Variants in RABGAP1L observed in about 807,000 individuals in gnomAD.
The protein encoded by RABGAP1L is RAB GTPase activating protein 1 like, also known as rab GTPase-activating protein 1-like.
Under a neutral mutation model 137.7 loss-of-function variants are expected in RABGAP1L, and 63 were observed. The observed-to-expected ratio is 0.46, with a 90% CI of 0.37 to 0.56. The LOEUF (loss-of-function observed/expected upper bound fraction) is 0.56. Ranked by LOEUF, RABGAP1L falls within the 20% of genes least tolerant of loss-of-function variation. RABGAP1L has a pLI of 0.00. For synonymous variants in RABGAP1L, 431 were observed against 433.7 expected (o/e 0.99, Z 0.08); for missense variants, 1,095 against 1,244.0 (o/e 0.88, Z 1.80).
intron 19 of RABGAP1L, among the ~76,000 whole-genome samples, chr1:174,907,788 A>AAC (rs1219367477): frequency 6.6e-6 from 1 of 152,222 alleles, no homozygotes; most frequent in Non-Finnish European, 1.5e-5. Context: ...CAAGACAGGC[A>AAC]ACAAGTGGCA....
intron 13 of RABGAP1L, among the ~76,000 whole-genome samples, chr1:174,489,047 T>C (rs1659955126): frequency 1.3e-5 from 2 of 151,642 alleles, no homozygotes; most frequent in South Asian, 4.2e-4. Flanking sequence ...AATAGTTTGC[T>C]CAGAATGATG....
intron 14 of RABGAP1L, among the ~76,000 whole-genome samples, chr1:174,654,902 C>G (rs1026567680): frequency 2.6e-5 from 4 of 151,800 alleles, no homozygotes; most frequent in Admixed American, 1.3e-4. Flanking sequence ...TGATACTCTC[C>G]TTTTTCCCCA....
rs191675073 is a variant in RABGAP1L, at chr1:174,441,634, T to C, written c.1710+47489T>C. On this transcript the variant is annotated intron_variant, in intron 13 of 25. Transcript: ENST00000681986. ...CTGTAATCCCAGCCACTTGGGAGGC[T>C]GAAGCAGGAGAATTGCTTGAACCTG... Among the ~76,000 whole-genome samples, 1,026 of 152,262 alleles carry C rather than the reference T, an allele frequency of 6.7e-3. 13 individuals are homozygous for C. Among genetic ancestry groups the C allele is most frequent in the African/African-American group, 0.023 (964 of 41,550 alleles).
In RABGAP1L at chr1:174,434,151, A is replaced by ACACACACACACACACC. The variant is rs1361968902; in HGVS notation, c.1710+40007_1710+40008insACACACACACACACCC. Reference sequence around the variant, plus strand: ...CACACACACACACACACACACACACACCCTGCCTGGGGCAACTAGGGTTCT... The same window carrying ACACACACACACACACC: ...CACACACACACACACACACACACACACACACACACACACACCCCCTGCCTGGGGCAACTAGGGTTCT... On this transcript the variant is annotated intron_variant, in intron 13 of 25. Coordinates refer to ENST00000681986, the MANE Select transcript of RABGAP1L (RefSeq NM_001366446.1). Among the ~76,000 whole-genome samples the ACACACACACACACACC allele has an allele frequency of 3.3e-3, 487 of 147,568 alleles. 2 individuals are homozygous for ACACACACACACACACC. The highest frequency in any genetic ancestry group is 5.1e-3 in the Admixed American group (75 of 14,818).
intron 18 of RABGAP1L, chr1:174,800,075 G>T: frequency 2.4e-6 from 3 of 1,262,728 alleles, no homozygotes; most frequent in South Asian, 2.1e-5. Flanking sequence ...CCATTTTCTC[G>T]CATTCGATTG....
intron 15 of RABGAP1L, among the ~76,000 whole-genome samples, chr1:174,697,470 A>G (rs539898804): frequency 1.3e-5 from 2 of 152,162 alleles, no homozygotes; most frequent in South Asian, 4.2e-4. Context: ...ACATGTACAC[A>G]CCAACATGCC....
At chr1:174,502,496 C>A (rs1661373406) in intron 13 of RABGAP1L, among the ~76,000 whole-genome samples, 1 of 146,926 alleles carries the variant, frequency 6.8e-6, no homozygotes, top group Admixed American at 6.9e-5. Context: ...TGAATGAAAA[C>A]CAAATAACAC....
At chr1:174,281,801 A>T (rs1375618443) in intron 10 of RABGAP1L, among the ~76,000 whole-genome samples, 1 of 152,178 alleles carries the variant, frequency 6.6e-6, no homozygotes, top group South Asian at 2.1e-4. Flanking sequence ...ACAAATTTAT[A>T]CACATGAATA....
chr1:174,811,038 G>A (rs1044550806), intron 18 of RABGAP1L, among the ~76,000 whole-genome samples: 5 of 152,078 alleles, frequency 3.3e-5, no homozygotes, highest in Admixed American at 6.6e-5. Flanking sequence ...GGAGGTTGAG[G>A]TTGCAGGGAG....
At chr1:174,162,328 GA>G (rs1664538149) in intron 1 of RABGAP1L, among the ~76,000 whole-genome samples, 1 of 152,018 alleles carries the variant, frequency 6.6e-6, no homozygotes, top group Non-Finnish European at 1.5e-5. Flanking sequence ...ATATTTATTT[GA>G]ACTCTCAGAT....
intron 19 of RABGAP1L, among the ~76,000 whole-genome samples, chr1:174,874,148 T>C (rs1438609112): frequency 6.6e-6 from 1 of 152,202 alleles, no homozygotes; most frequent in Non-Finnish European, 1.5e-5. Flanking sequence ...TTCATAAACA[T>C]TTTCTTAATA....
At chr1:174,676,667 G>A (rs534202303) in intron 14 of RABGAP1L, among the ~76,000 whole-genome samples, 4 of 152,258 alleles carry the variant, frequency 2.6e-5, no homozygotes, top group Non-Finnish European at 4.4e-5. Context: ...TTTGGTGACT[G>A]CTTCTACTGA....
intron 19 of RABGAP1L, among the ~76,000 whole-genome samples, chr1:174,816,466 A>G (rs1173771747): frequency 6.6e-6 from 1 of 151,954 alleles, no homozygotes; most frequent in Non-Finnish European, 1.5e-5. Context: ...TAGCTTTATT[A>G]AGTGCATATA....
At chr1:174,926,461 A>G (rs1240836912) in intron 19 of RABGAP1L, among the ~76,000 whole-genome samples, 1 of 152,156 alleles carries the variant, frequency 6.6e-6, no homozygotes, top group Non-Finnish European at 1.5e-5. Flanking sequence ...AAAATTCTGC[A>G]TAGAGGTTTT....
chr1:174,290,196 T>G (rs758479795), intron 10 of RABGAP1L, among the ~76,000 whole-genome samples: 9 of 152,230 alleles, frequency 5.9e-5, no homozygotes, highest in Non-Finnish European at 1.3e-4. Context: ...CTGCCTGGGC[T>G]CCTTGTCAGG....
intron 19 of RABGAP1L, among the ~76,000 whole-genome samples, chr1:174,860,728 C>T (rs1452645399): frequency 6.6e-6 from 1 of 152,050 alleles, no homozygotes; most frequent in Non-Finnish European, 1.5e-5. Context: ...AAAGTTATTC[C>T]AAAATGCTTA....
intron 1 of RABGAP1L, among the ~76,000 whole-genome samples, chr1:174,218,686 GT>G (rs777218433): frequency 2.0e-5 from 3 of 151,514 alleles, no homozygotes; most frequent in South Asian, 2.1e-4. Context: ...GAGGAGATAA[GT>G]TTTTTTTTGA....
At chr1:174,773,687 T>C (rs1358475185) in intron 18 of RABGAP1L, among the ~76,000 whole-genome samples, 1 of 152,244 alleles carries the variant, frequency 6.6e-6, no homozygotes, top group African/African-American at 2.4e-5. Context: ...ATGAACTCAC[T>C]GTCAAAAATC....
intron 19 of RABGAP1L, among the ~76,000 whole-genome samples, chr1:174,868,090 A>G (rs2981893): frequency 0.35 from 53,749 of 151,760 alleles, 12,017 homozygotes; most frequent in African/African-American, 0.64. Context: ...GAGTAGCTAG[A>G]ACTGTAGGCA....
Sources: allele counts gnomAD v4.1 joint callset (sites outside exome capture counted in the v4.1 genomes callset), GRCh38; gene constraint gnomAD v4.1.1; transcripts MANE v1.5; gene names NCBI Gene and HGNC (gene_info 2026-07-23, HGNC 2026-07-21).